The following RNF130 variants were observed in gnomAD, a reference collection of about 807,000 sequenced individuals.
The protein encoded by RNF130 is E3 ubiquitin-protein ligase RNF130.
RNF130 carries 21 observed loss-of-function variants against 44.6 expected under a neutral mutation model. The ratio of observed to expected loss-of-function variants is 0.47; its 90% CI spans 0.33 to 0.68. RNF130 has a LOEUF of 0.68. RNF130 is among the 30% of genes least tolerant of loss of function. The pLI, the probability that RNF130 is intolerant of heterozygous loss-of-function variation, is 0.02. For missense variants in RNF130, 479 were observed against 560.6 expected, an observed-to-expected ratio of 0.85 and a Z score of 1.47; for synonymous variants, 214 against 210.4, an observed-to-expected ratio of 1.02 and a Z score of -0.15.
chr5:179,924,467 C>T (rs374507333), intron 7 of RNF130, among the ~76,000 whole-genome samples: 1 of 149,736 alleles, frequency 6.7e-6, no homozygotes, highest in East Asian at 2.0e-4. Flanking sequence ...TGCACTCCAG[C>T]CTGCGCAACA....
At chr5:180,043,564 A>G (rs776267163) in intron 1 of RNF130, among the ~76,000 whole-genome samples, 1 of 152,162 alleles carries the variant, frequency 6.6e-6, no homozygotes, top group African/African-American at 2.4e-5. Context: ...ACAGTGTCAC[A>G]GTCCACTCAG....
downstream of RNF130, among the ~76,000 whole-genome samples, chr5:179,951,434 A>G (rs1762124126): frequency 6.7e-6 from 1 of 150,308 alleles, no homozygotes; most frequent in Non-Finnish European, 1.5e-5. Flanking sequence ...CCCAGGCTGG[A>G]GTGCAGTGGC....
chr5:179,940,636 TTAAG>T (rs969383655), intron 7 of RNF130, among the ~76,000 whole-genome samples: 2 of 152,214 alleles, frequency 1.3e-5, no homozygotes, highest in Admixed American at 1.3e-4. Flanking sequence ...TTCTCTGCCT[TTAAG>T]TTTTTCTGTG....
chr5:180,030,108 G>C lies in RNF130; in HGVS notation c.442+10345C>G, dbSNP rs78439747. On this transcript the variant is annotated intron_variant, in intron 2 of 8. Coordinates refer to ENST00000521389, the MANE Select transcript of RNF130 (RefSeq NM_018434.6). The stretch of plus-strand genomic sequence containing the variant: ...GGTGATCCGCCTACCTCGGCCTCCT[G>C]AAGCGTTGGGATTACAGGCGTGATC... 7.6e-4 allele frequency among the ~76,000 whole-genome samples: 115 copies of C among 151,624 alleles called. No homozygotes were observed. The East Asian group carries it at 0.021, about 28-fold the overall frequency.
intron 7 of RNF130, among the ~76,000 whole-genome samples, chr5:179,928,418 G>A (rs1761738445): frequency 2.0e-5 from 3 of 151,362 alleles, no homozygotes; most frequent in East Asian, 1.9e-4. Context: ...ATGTTTTAAC[G>A]TCCATTCCCC....
At chr5:180,008,105 T>C (rs1763504149) in intron 3 of RNF130, among the ~76,000 whole-genome samples, 1 of 151,086 alleles carries the variant, frequency 6.6e-6, no homozygotes, top group African/African-American at 2.4e-5. Context: ...GCTTCCTTAC[T>C]TCCCCCATAG....
intron 3 of RNF130, among the ~76,000 whole-genome samples, chr5:179,988,141 T>C (rs1210249337): frequency 6.6e-6 from 1 of 152,240 alleles, no homozygotes; most frequent in Non-Finnish European, 1.5e-5. Context: ...CTGTTCATGT[T>C]TTCTATTTCT....
At chr5:180,055,075 G>A (rs1400722885) in intron 1 of RNF130, among the ~76,000 whole-genome samples, 1 of 151,702 alleles carries the variant, frequency 6.6e-6, no homozygotes, top group Admixed American at 6.6e-5. Context: ...AGGAGTGGTG[G>A]CTCACACCTG....
intron 3 of RNF130, among the ~76,000 whole-genome samples, chr5:179,990,232 G>C (rs1443240440): frequency 6.6e-6 from 1 of 152,206 alleles, no homozygotes; most frequent in Non-Finnish European, 1.5e-5. Context: ...TAAAGAGTTT[G>C]AGTCACCTCC....
intron 3 of RNF130, among the ~76,000 whole-genome samples, chr5:179,999,267 T>C (rs923981893): frequency 3.3e-5 from 5 of 151,696 alleles, no homozygotes; most frequent in Non-Finnish European, 7.4e-5. Flanking sequence ...AGTGATCACC[T>C]GCCTCGGCCT....
At chr5:179,916,395 T>C (rs1761545352) in exon 8 of RNF130, 1 of 152,132 alleles carries the variant, frequency 6.6e-6, no homozygotes, top group Non-Finnish European at 1.5e-5. Flanking sequence ...AAATATAAAA[T>C]ACCAATTTGA....
At chr5:180,037,144 A>C (rs956011167) in intron 2 of RNF130, among the ~76,000 whole-genome samples, 2 of 152,228 alleles carry the variant, frequency 1.3e-5, no homozygotes, top group Non-Finnish European at 2.9e-5. Flanking sequence ...AACGTGCCAC[A>C]ATTAATCCAG....
At chr5:179,920,343 C>T in exon 8 of RNF130, 1 of 702,208 alleles carries the variant, frequency 1.4e-6, no homozygotes, top group East Asian at 2.7e-5. Context: ...TCATACATGT[C>T]CAAAGAAGGT....
rs142456934 is a variant in RNF130, at chr5:180,030,258, C to T, written c.442+10195G>A. ...ATCACCTCATAAATACTTGCTTTGT[C>T]TCTCCAAGTAAGAATACTTGAGGAC... On this transcript the variant is annotated intron_variant, in intron 2 of 8. Coordinates refer to ENST00000521389, the MANE Select transcript of RNF130 (RefSeq NM_018434.6). 1.9e-4 allele frequency among the ~76,000 whole-genome samples: 29 copies of T among 152,296 alleles called. No individual in the cohort carries two copies. In the East Asian group the frequency reaches 5.2e-3, roughly 27 times the overall value.
intron 1 of RNF130, among the ~76,000 whole-genome samples, chr5:180,041,489 C>A (rs1483709723): frequency 6.6e-6 from 1 of 152,144 alleles, no homozygotes; most frequent in Admixed American, 6.5e-5. Flanking sequence ...TTTCACTCTG[C>A]ACATATGGCC....
At chr5:180,059,629 G>C (rs974645368) in intron 1 of RNF130, among the ~76,000 whole-genome samples, 2 of 152,142 alleles carry the variant, frequency 1.3e-5, no homozygotes, top group Non-Finnish European at 2.9e-5. Context: ...TCATAGAAAA[G>C]AAATGTTGGA....
intron 7 of RNF130, among the ~76,000 whole-genome samples, chr5:179,925,885 A>G (rs1761701201): frequency 6.6e-6 from 1 of 152,180 alleles, no homozygotes; most frequent in Non-Finnish European, 1.5e-5. Context: ...CAGACTCCAT[A>G]TAGACGGAGA....
intron 2 of RNF130, among the ~76,000 whole-genome samples, chr5:180,036,074 C>G (rs1764243420): frequency 6.6e-6 from 1 of 152,244 alleles, no homozygotes; most frequent in East Asian, 1.9e-4. Flanking sequence ...TCAAACATCT[C>G]TATATTTTGC....
At chr5:179,946,859 G>A (rs886311006) in intron 7 of RNF130, among the ~76,000 whole-genome samples, 1 of 152,138 alleles carries the variant, frequency 6.6e-6, no homozygotes, top group Non-Finnish European at 1.5e-5. Context: ...CAGCACCATA[G>A]GGGATCTTTT....
Sources: gnomAD v4.1 joint callset for allele counts (sites outside exome capture counted in the v4.1 genomes callset) on GRCh38, gnomAD v4.1.1 for gene constraint, MANE v1.5 for transcripts, NCBI Gene and HGNC (gene_info 2026-07-23, HGNC 2026-07-21) for gene names.